FHIT: variants seen among roughly 807,000 people sequenced by gnomAD.
The protein encoded by FHIT is bis(5'-adenosyl)-triphosphatase.
In FHIT, 19 loss-of-function variants were observed where a neutral mutation model predicts 17.9. That is an observed-to-expected ratio of 1.06 (90% CI 0.74 to 1.56). FHIT has a LOEUF of 1.56. Ranked by LOEUF, FHIT falls within the 40% of genes most tolerant of loss-of-function variation. FHIT has a pLI of 0.00. For missense variants in FHIT, 248 were observed against 189.2 expected, an observed-to-expected ratio of 1.31 and a Z score of -1.82; for synonymous variants, 81 against 69.7, an observed-to-expected ratio of 1.16 and a Z score of -0.81.
At chr3:60,436,490 A>T (rs1199425754) in intron 5 of FHIT, among the ~76,000 whole-genome samples, 10 of 152,284 alleles carry the variant, frequency 6.6e-5, no homozygotes, top group African/African-American at 2.2e-4. Flanking sequence ...AGCAGTGAAT[A>T]AAACAGACCA....
intron 5 of FHIT, among the ~76,000 whole-genome samples, chr3:60,053,244 A>T (rs1701954040): frequency 6.6e-6 from 1 of 151,566 alleles, no homozygotes; most frequent in Admixed American, 6.6e-5. Flanking sequence ...AAAGTAGGCT[A>T]TCCCAATTAT....
chr3:60,856,487 C>A (rs960755238), intron 3 of FHIT: 1 of 152,234 alleles, frequency 6.6e-6, no homozygotes, highest in African/African-American at 2.4e-5. Context: ...ACACCAAGAA[C>A]GAGCTTCGTG....
intron 5 of FHIT, among the ~76,000 whole-genome samples, chr3:60,441,781 A>ACACAC (rs1265100578): frequency 4.1e-5 from 1 of 24,490 alleles, no homozygotes; most frequent in African/African-American, 7.2e-5. Flanking sequence ...TATATGTATA[A>ACACAC]AAATATATAT....
intron 3 of FHIT, among the ~76,000 whole-genome samples, chr3:60,905,517 G>A (rs1378706924): frequency 3.3e-5 from 5 of 152,054 alleles, no homozygotes; most frequent in Non-Finnish European, 5.9e-5. Flanking sequence ...ATGAAAAAAC[G>A]TGGACATAAA....
At chr3:60,917,737 C>A (rs1553767382) in intron 3 of FHIT, among the ~76,000 whole-genome samples, 1 of 152,216 alleles carries the variant, frequency 6.6e-6, no homozygotes, top group African/African-American at 2.4e-5. Context: ...TAACCCAAAA[C>A]TCTTTATCAA....
intron 3 of FHIT, among the ~76,000 whole-genome samples, chr3:60,966,551 T>A (rs1235692148): frequency 6.6e-6 from 1 of 152,238 alleles, no homozygotes; most frequent in Non-Finnish European, 1.5e-5. Context: ...CTGTTCCTAT[T>A]CAGCCATCTT....
intron 3 of FHIT, among the ~76,000 whole-genome samples, chr3:60,920,115 A>G (rs201841693): frequency 1.3e-5 from 2 of 152,208 alleles, no homozygotes; most frequent in East Asian, 3.9e-4. Flanking sequence ...CTTAAGCTCA[A>G]TGAATTTAAT....
Position 60,628,601 on chromosome 3 carries a change from C to A in FHIT, c.-17-91622G>T, listed in dbSNP as rs113505323. On this transcript the variant is annotated intron_variant, in intron 4 of 9. Transcript: ENST00000492590. ...GAGTTAGATCTTCAGGCCAATTTTT[C>A]GTTACTCCAGGAGGGCTCTCTTACC... Among the ~76,000 whole-genome samples the A allele has an allele frequency of 4.2e-3, 638 of 152,240 alleles. 4 individuals are homozygous for A. The highest frequency in any genetic ancestry group is 0.015 in the African/African-American group (612 of 41,562).
At chr3:60,745,169 G>A (rs1266903218) in intron 4 of FHIT, among the ~76,000 whole-genome samples, 2 of 152,168 alleles carry the variant, frequency 1.3e-5, no homozygotes, top group South Asian at 2.1e-4. Context: ...CCTCTGAAAG[G>A]TGTATAAGAA....
At chr3:59,752,560 T>C (rs897509552) in intron 8 of FHIT, among the ~76,000 whole-genome samples, 2 of 152,170 alleles carry the variant, frequency 1.3e-5, no homozygotes, top group African/African-American at 2.4e-5. Flanking sequence ...GGTGATGATA[T>C]GATATAGGTC....
intron 2 of FHIT, among the ~76,000 whole-genome samples, chr3:61,107,422 C>T (rs1367721499): frequency 1.3e-5 from 2 of 152,080 alleles, no homozygotes; most frequent in Admixed American, 6.5e-5. Context: ...ATGAATAATG[C>T]TACAATAAAC....
chr3:60,736,244 T>G (rs1165099732), intron 4 of FHIT, among the ~76,000 whole-genome samples: 1 of 152,176 alleles, frequency 6.6e-6, no homozygotes, highest in East Asian at 1.9e-4. Flanking sequence ...CTTAAAAAGT[T>G]AAACATAGAG....
At chr3:60,694,592 C>T (rs1367957724) in intron 4 of FHIT, among the ~76,000 whole-genome samples, 1 of 152,172 alleles carries the variant, frequency 6.6e-6, no homozygotes, top group African/African-American at 2.4e-5. Context: ...ATAAATATTG[C>T]TGCTATAAAG....
chr3:60,266,403 T>C (rs1217870764), intron 5 of FHIT, among the ~76,000 whole-genome samples: 1 of 152,046 alleles, frequency 6.6e-6, no homozygotes, highest in Non-Finnish European at 1.5e-5. Flanking sequence ...GGGGGCTTCA[T>C]GAGAAACAGA....
chr3:60,641,982 G>T (rs1402668179), intron 4 of FHIT, among the ~76,000 whole-genome samples: 1 of 152,060 alleles, frequency 6.6e-6, no homozygotes, highest in Non-Finnish European at 1.5e-5. Context: ...GGTAAAGGTG[G>T]GTGGGTTAGG....
At chr3:60,227,173 T>C (rs1463639314) in intron 5 of FHIT, among the ~76,000 whole-genome samples, 1 of 152,146 alleles carries the variant, frequency 6.6e-6, no homozygotes, top group African/African-American at 2.4e-5. Context: ...TGACCACCGG[T>C]GATTCAAAGG....
intron 5 of FHIT, among the ~76,000 whole-genome samples, chr3:60,174,736 T>C (rs567519620): frequency 5.3e-5 from 8 of 152,260 alleles, no homozygotes; most frequent in South Asian, 4.1e-4. Context: ...ATTCATAATA[T>C]TGCACAATTA....
At chr3:60,387,239 C>T (rs539302464) in intron 5 of FHIT, among the ~76,000 whole-genome samples, 4 of 152,204 alleles carry the variant, frequency 2.6e-5, no homozygotes, top group African/African-American at 9.6e-5. Flanking sequence ...GATCCACCCA[C>T]CTTGGCCTCC....
intron 5 of FHIT, among the ~76,000 whole-genome samples, chr3:60,380,003 G>T (rs906409227): frequency 6.6e-6 from 1 of 152,228 alleles, no homozygotes; most frequent in Admixed American, 6.5e-5. Context: ...TTAGACAGGA[G>T]GTTATGTGAT....
Sources: gnomAD v4.1 joint callset for allele counts (sites outside exome capture counted in the v4.1 genomes callset) on GRCh38, gnomAD v4.1.1 for gene constraint, MANE v1.5 for transcripts, NCBI Gene and HGNC (gene_info 2026-07-23, HGNC 2026-07-21) for gene names.